Variants in MGAT5 observed in about 807,000 individuals in gnomAD.
MGAT5 encodes alpha-1,6-mannosylglycoprotein 6-beta-N-acetylglucosaminyltransferase.
Under a neutral mutation model 94.3 loss-of-function variants are expected in MGAT5, and 30 were observed. The ratio of observed to expected loss-of-function variants is 0.32; its 90% CI spans 0.24 to 0.43. The LOEUF (loss-of-function observed/expected upper bound fraction) is 0.43. Among genes scored for constraint, MGAT5 ranks in the 20% least tolerant of loss-of-function variants. The probability of loss-of-function intolerance (pLI) is 1.00; values close to 1 mark genes in which losing one functional copy is unlikely to be tolerated. For synonymous variants in MGAT5, 310 were observed against 322.9 expected (o/e 0.96, Z 0.43); for missense variants, 691 against 905.5 (o/e 0.76, Z 3.04).
chr2:134,391,933 C>G (rs1682441428), intron 10 of MGAT5, among the ~76,000 whole-genome samples: 1 of 152,192 alleles, frequency 6.6e-6, no homozygotes, highest in African/African-American at 2.4e-5. Flanking sequence ...GGGCACATAG[C>G]CAGCAAAGGG....
At chr2:134,230,257 A>G (rs1347158339) in intron 1 of MGAT5, among the ~76,000 whole-genome samples, 1 of 152,220 alleles carries the variant, frequency 6.6e-6, no homozygotes. Context: ...AATCTAATGC[A>G]ACCGCTGATA....
chr2:134,200,902 G>A (rs1205668264), intron 1 of MGAT5, among the ~76,000 whole-genome samples: 1 of 152,076 alleles, frequency 6.6e-6, no homozygotes, highest in African/African-American at 2.4e-5. Context: ...GTATGCACCT[G>A]TAGTCCCAGC....
chr2:134,199,351 G>A (rs1462223264), intron 1 of MGAT5, among the ~76,000 whole-genome samples: 1 of 152,142 alleles, frequency 6.6e-6, no homozygotes, highest in Non-Finnish European at 1.5e-5. Context: ...TGAAGTCTCG[G>A]AGGGAGTCCT....
At chr2:134,337,811 C>T (rs947952390) in intron 5 of MGAT5, among the ~76,000 whole-genome samples, 2 of 152,128 alleles carry the variant, frequency 1.3e-5, no homozygotes, top group Admixed American at 6.6e-5. Flanking sequence ...CCCTATTTAA[C>T]TCTGTGGACA....
chr2:134,291,894 C>G (rs7579641), intron 2 of MGAT5, among the ~76,000 whole-genome samples: 5,103 of 152,250 alleles, frequency 0.034, 304 homozygotes, highest in African/African-American at 0.12. Flanking sequence ...TGCTTCGTCT[C>G]TCCCTTTATA....
intron 12 of MGAT5, among the ~76,000 whole-genome samples, chr2:134,415,245 A>G (rs1225352759): frequency 1.3e-5 from 2 of 152,164 alleles, no homozygotes; most frequent in African/African-American, 4.8e-5. Flanking sequence ...CAGGGTACCA[A>G]GCTTCCCTTT....
intron 4 of MGAT5, among the ~76,000 whole-genome samples, chr2:134,319,057 G>A (rs183023774): frequency 5.0e-4 from 76 of 152,144 alleles, no homozygotes; most frequent in African/African-American, 1.6e-3. Context: ...TCACATCATT[G>A]TGCAACCATC....
intron 1 of MGAT5, among the ~76,000 whole-genome samples, chr2:134,177,765 G>T (rs576626005): frequency 5.3e-5 from 8 of 152,304 alleles, no homozygotes; most frequent in African/African-American, 1.7e-4. Flanking sequence ...ATGCAGGCTC[G>T]CAGTCAGCAG....
chr2:134,253,964 T>C (rs758949958), upstream of MGAT5, among the ~76,000 whole-genome samples: 2 of 152,182 alleles, frequency 1.3e-5, no homozygotes, highest in Non-Finnish European at 2.9e-5. Context: ...CAAATATCCT[T>C]CTGTCTCCTC....
intron 1 of MGAT5, among the ~76,000 whole-genome samples, chr2:134,152,899 CTTTTTTTTT>C (rs35135371): frequency 4.3e-5 from 5 of 117,292 alleles, no homozygotes; most frequent in Admixed American, 1.8e-4. Context: ...ATGGAGTCCA[CTTTTTTTTT>C]TTTTTTTTTT....
At position 134,257,266 on chromosome 2, in the gene MGAT5, G is replaced by A. The variant is rs12477184; in HGVS notation, c.241+2622G>A. 3.4e-3 allele frequency among the ~76,000 whole-genome samples: 512 copies of A among 152,210 alleles called. 9 individuals are homozygous for A. Among genetic ancestry groups the A allele is most frequent in the Admixed American group, 0.027 (406 of 15,286 alleles). On this transcript the variant is annotated intron_variant, in intron 1 of 15. Coordinates refer to ENST00000281923, the MANE Select transcript of MGAT5 (RefSeq NM_002410.5). ...GTTTGTTTCTGAGATGGAGTCTTGC[G>A]TTGTTGCCCAGGCTGGAGTGCAGTG... is the stretch of plus-strand genomic sequence containing the variant.
chr2:134,285,142 AAC>A (rs1684925780), intron 2 of MGAT5, among the ~76,000 whole-genome samples: 1 of 152,190 alleles, frequency 6.6e-6, no homozygotes, highest in Admixed American at 6.5e-5. Context: ...AAAAATTAAA[AAC>A]ACTTTTTATA....
rs149155318 is a variant in MGAT5 at position 134,338,306 on chromosome 2, G to A, written c.693G>A (p.Lys231=). Residue 231 remains lysine, a synonymous_variant, in exon 6 of 16, where the codon AAG becomes AAA. Transcript: ENST00000281923. The part of the protein sequence containing the change: ...DFNILYSMMK[K]HEEFRWMRLR... ...ATATTCTCTACAGTATGATGAAAAA[G>A]CATGAAGAATTCCGGTGGATGAGAC... is the stretch of plus-strand genomic sequence containing the variant. 200 of 1,613,152 alleles carry A rather than the reference G, an allele frequency of 1.2e-4. No homozygotes were observed. In the African/African-American group the frequency reaches 2.4e-3, roughly 19 times the overall value.
At chr2:134,418,904 G>A (rs1199306992) in intron 12 of MGAT5, among the ~76,000 whole-genome samples, 1 of 152,334 alleles carries the variant, frequency 6.6e-6, no homozygotes, top group Admixed American at 6.5e-5. Context: ...TTGATCTCAT[G>A]TCCAGGTGGG....
chr2:134,417,357 A>G (rs2106344151), intron 12 of MGAT5, among the ~76,000 whole-genome samples: 1 of 151,916 alleles, frequency 6.6e-6, no homozygotes, highest in East Asian at 1.9e-4. Flanking sequence ...GGACTTCACC[A>G]GTTTTTCCAC....
intron 11 of MGAT5, among the ~76,000 whole-genome samples, chr2:134,409,089 A>G (rs1349383985): frequency 6.6e-6 from 1 of 152,186 alleles, no homozygotes; most frequent in African/African-American, 2.4e-5. Context: ...ACCCACAAAC[A>G]TAACTCCTGC....
At chr2:134,396,538 T>A (rs1353967632) in intron 10 of MGAT5, among the ~76,000 whole-genome samples, 1 of 152,166 alleles carries the variant, frequency 6.6e-6, no homozygotes, top group African/African-American at 2.4e-5. Context: ...ACCTTTTAAG[T>A]TTTACAACTC....
chr2:134,316,158 C>T (rs865942853), intron 2 of MGAT5, among the ~76,000 whole-genome samples: 8 of 152,090 alleles, frequency 5.3e-5, no homozygotes, highest in Non-Finnish European at 1.2e-4. Context: ...TCTTGTTTTC[C>T]GACTAAAATG....
chr2:134,403,503 A>T (rs1394700453), intron 11 of MGAT5, among the ~76,000 whole-genome samples: 1 of 152,298 alleles, frequency 6.6e-6, no homozygotes, highest in East Asian at 1.9e-4. Flanking sequence ...CCCCAACCCA[A>T]TCATCACTGT....
Sources: gnomAD v4.1 joint callset for allele counts (sites outside exome capture counted in the v4.1 genomes callset) on GRCh38, gnomAD v4.1.1 for gene constraint, MANE v1.5 for transcripts, NCBI Gene and HGNC (gene_info 2026-07-23, HGNC 2026-07-21) for gene names.